ZP1: variants seen among roughly 807,000 people sequenced by gnomAD.
ZP1 encodes zona pellucida glycoprotein 1, also known as zona pellucida sperm-binding protein 1.
ZP1 carries 58 observed loss-of-function variants against 67.4 expected under a neutral mutation model. The ratio of observed to expected loss-of-function variants is 0.86; its 90% CI spans 0.70 to 1.07. The LOEUF is 1.07. Ranked by LOEUF, ZP1 falls within the 50% of genes least tolerant of loss-of-function variation. The probability of loss-of-function intolerance (pLI) is 0.00; values close to 1 mark genes in which losing one functional copy is unlikely to be tolerated. For missense variants in ZP1, 759 were observed against 807.3 expected, an observed-to-expected ratio of 0.94 and a Z score of 0.72; for synonymous variants, 333 against 332.7, an observed-to-expected ratio of 1.00 and a Z score of -0.01.
intron 6 of ZP1, among the ~76,000 whole-genome samples, chr11:60,871,838 C>T (rs1855577310): frequency 6.6e-6 from 1 of 152,230 alleles, no homozygotes; most frequent in African/African-American, 2.4e-5. Flanking sequence ...GCAAAACCAA[C>T]CCAGGTGCCC....
intron 3 of ZP1, 56 bp from the exon 4 acceptor site, chr11:60,870,275 AG>A (rs1855540618): frequency 7.0e-7 from 1 of 1,431,906 alleles, no homozygotes; most frequent in South Asian, 1.6e-5. Context: ...ATTCAATTCC[AG>A]GGCCATGATT....
chr11:60,870,518 T>C (rs1431225108), intron 4 of ZP1, 43 bp downstream of exon 4: 4 of 1,553,398 alleles, frequency 2.6e-6, no homozygotes, highest in Admixed American at 1.9e-5. Context: ...CCTTGGATTC[T>C]GAAGCGGAAG....
At chr11:60,871,190 G>T (rs1855561274) in intron 5 of ZP1, 27 bp from the exon 6 acceptor site, 1 of 1,614,014 alleles carries the variant, frequency 6.2e-7, no homozygotes, top group South Asian at 1.1e-5. Flanking sequence ...CCACCAGAAA[G>T]CCTCACCCAG....
Position 60,870,302 on chromosome 11 carries a change from T to C in ZP1, c.683-30T>C, listed in dbSNP as rs776708802. 3.9e-6 allele frequency: 6 copies of C among 1,524,328 alleles called. No homozygotes were observed. In the African/African-American group the frequency reaches 8.3e-5, roughly 21 times the overall value. 94.4% of individuals were successfully genotyped at this position (1,524,328 alleles called of 1,614,324 possible). A position where few individuals can be genotyped will look rare whatever the true frequency, so the allele number is the denominator to read the frequency against. On this transcript the variant is annotated intron_variant, in intron 3 of 11. Coordinates refer to ENST00000278853, the MANE Select transcript of ZP1 (RefSeq NM_207341.4). ...GGCCATGATTTGCAAACTGTGTGCC[T>C]TCAGCCTCATCACTCTGTCCCAACC...
rs1248661608 is a variant in ZP1, at chr11:60,867,724, A to G, written c.163A>G (p.Arg55Gly). 6.2e-7 allele frequency: 1 copy of G among 1,613,850 alleles called. No individual in the cohort carries two copies. The highest frequency in any genetic ancestry group is 1.3e-5 in the African/African-American group (1 of 74,954). The change falls in exon 1 of 12, where the codon AGG becomes GGG. Residue 55 changes from arginine (R) to glycine (G), a missense_variant. By Grantham distance (125) the Arg-to-Gly change is moderately radical (BLOSUM62 -2). Coordinates refer to ENST00000278853, the MANE Select transcript of ZP1 (RefSeq NM_207341.4). ...IKGMQLLVFP[R>G]PGQTLRFKVV... ...GGGAATGCAGCTGCTGGTGTTCCCC[A>G]GGCCAGGCCAGACTCTCCGCTTCAA... is the stretch of plus-strand genomic sequence containing the variant.
Position 60,873,418 on chromosome 11 carries a change from C to T in ZP1, c.1284C>T (p.Ile428=), listed in dbSNP as rs559840137. 3.0e-5 allele frequency: 48 copies of T among 1,612,536 alleles called. 1 individual carries two copies. The Middle Eastern group carries it at 5.0e-4, about 17-fold the overall frequency. The change falls in exon 8 of 12, where the codon ATC becomes ATT. Residue 428 remains isoleucine (I), a synonymous_variant. Transcript: ENST00000278853. Reference sequence around the variant, plus strand: ...ACTATGGGGAGGATGACTATCCCATCGTGAGGCTGCTCCGAGAACCAGTCC... The same window carrying T: ...ACTATGGGGAGGATGACTATCCCATTGTGAGGCTGCTCCGAGAACCAGTCC... ...SSYYGEDDYP[I]VRLLREPVHV...
intron 6 of ZP1, among the ~76,000 whole-genome samples, chr11:60,872,596 G>A (rs183995769): frequency 2.0e-5 from 3 of 152,276 alleles, no homozygotes; most frequent in Non-Finnish European, 4.4e-5. Flanking sequence ...GCAACTACAA[G>A]GACAATGAAG....
Position 60,873,442 on chromosome 11 carries a change from CCA to C in ZP1, c.1309_1310del (p.His437CysfsTer110). ...PIVRLLREPVHVEVRLLQRTD... is the reference protein window; with the variant it reads ...PIVRLLREPVXVEVRLLQRTD... ...TCGTGAGGCTGCTCCGAGAACCAGT[CCA>C]TGTGGAGGTCCGGCTTCTGCAGAGG... On this transcript the variant is annotated frameshift_variant, in exon 8 of 12. Transcript: ENST00000278853. LOFTEE classifies it high-confidence loss of function. 1 of 1,613,620 alleles carries C rather than the reference CCA, an allele frequency of 6.2e-7. No individual in the cohort carries two copies. Among genetic ancestry groups the C allele is most frequent in the Non-Finnish European group, 8.5e-7 (1 of 1,179,690 alleles).
In ZP1 at chr11:60,873,669, T is replaced by C. The variant is rs978238525; in HGVS notation, c.1466T>C (p.Met489Thr). 2 of 1,614,006 alleles carry C rather than the reference T, an allele frequency of 1.2e-6. No homozygotes were observed. Among genetic ancestry groups the C allele is most frequent in the Non-Finnish European group, 1.7e-6 (2 of 1,180,022 alleles). ...AAGGGCGACAGCTACAGAACCCAAA[T>C]GGTAGCCTTGGACGGGGCCACACCT... is the stretch of plus-strand genomic sequence containing the variant. ...PFKGDSYRTQMVALDGATPFQ... is the reference protein window; with the variant it reads ...PFKGDSYRTQTVALDGATPFQ... Residue 489 changes from methionine (M) to threonine (T), a missense_variant, in exon 9 of 12, where the codon ATG becomes ACG. By Grantham distance (81) the Met-to-Thr change is moderately conservative (BLOSUM62 -1). Coordinates refer to ENST00000278853, the MANE Select transcript of ZP1 (RefSeq NM_207341.4).
At chr11:60,874,806 G>T in intron 9 of ZP1, 127 bp from the exon 10 acceptor site, 1 of 836,612 alleles carries the variant, frequency 1.2e-6, no homozygotes, top group Non-Finnish European at 2.0e-6. Context: ...AAGCAGCTCA[G>T]ATTTCTCCCT....
intron 6 of ZP1, among the ~76,000 whole-genome samples, chr11:60,872,194 A>G (rs1855584694): frequency 6.6e-6 from 1 of 152,100 alleles, no homozygotes; most frequent in South Asian, 2.1e-4. Flanking sequence ...GCGAGACCCC[A>G]TTTCTATTTT....
At chr11:60,874,608 C>CA (rs1425407246) in intron 9 of ZP1, among the ~76,000 whole-genome samples, 2 of 152,230 alleles carry the variant, frequency 1.3e-5, no homozygotes, top group East Asian at 3.9e-4. Context: ...GCTGTGCAGC[C>CA]AGAGGCAGCA....
chr11:60,873,613 C>T, intron 8 of ZP1, 21 bp from the exon 9 acceptor site: 1 of 1,614,136 alleles, frequency 6.2e-7, no homozygotes, highest in Non-Finnish European at 8.5e-7. Flanking sequence ...TGTAAACAGC[C>T]TCTCTGACTT....
chr11:60,873,567 G>C lies in ZP1; in HGVS notation c.1430+3G>C. On this transcript the variant is annotated splice_donor_region_variant and intron_variant, in intron 8 of 11. Coordinates refer to ENST00000278853, the MANE Select transcript of ZP1 (RefSeq NM_207341.4). ...CAGTGGCCCATCCTGTCAGACGGGTGAGTGCCCCCACACTCCCCCCACCTG... is the reference window on the plus strand; with the variant it reads ...CAGTGGCCCATCCTGTCAGACGGGTCAGTGCCCCCACACTCCCCCCACCTG... 1.2e-6 allele frequency: 2 copies of C among 1,613,012 alleles called. No individual in the cohort carries two copies. Among genetic ancestry groups the C allele is most frequent in the Non-Finnish European group, 1.7e-6 (2 of 1,179,206 alleles).
intron 3 of ZP1, 106 bp downstream of exon 3, chr11:60,870,006 T>C: frequency 1.5e-6 from 2 of 1,348,636 alleles, no homozygotes; most frequent in Non-Finnish European, 9.8e-7. Flanking sequence ...TTTTTTGTTT[T>C]TTTCTTTTTT....
intron 1 of ZP1, among the ~76,000 whole-genome samples, chr11:60,868,153 T>G (rs1855504504): frequency 6.6e-6 from 1 of 151,748 alleles, no homozygotes. Context: ...GTTCAAGCAA[T>G]TCTCCTGCCT....
In ZP1 at chr11:60,873,468, G is replaced by T. The variant is rs1565104295; in HGVS notation, c.1334G>T (p.Arg445Met). ...CATGTGGAGGTCCGGCTTCTGCAGA[G>T]GACAGACCCCAACCTGGTCCTGCTG... Reference protein sequence around the residue: ...PVHVEVRLLQRTDPNLVLLLH... With the variant: ...PVHVEVRLLQMTDPNLVLLLH... The change falls in exon 8 of 12, where the codon AGG becomes ATG. Residue 445 changes from arginine (R) to methionine (M), a missense_variant. Physicochemically the swap from Arg to Met is moderately conservative, Grantham distance 91. Transcript: ENST00000278853. 6.2e-7 allele frequency: 1 copy of T among 1,613,690 alleles called. No individual in the cohort carries two copies. The highest frequency in any genetic ancestry group is 1.7e-5 in the Admixed American group (1 of 60,004).
chr11:60,870,523 C>T (rs148771163), intron 4 of ZP1, 48 bp downstream of exon 4: 11 of 1,543,090 alleles, frequency 7.1e-6, no homozygotes, highest in Middle Eastern at 1.7e-4. Flanking sequence ...GATTCTGAAG[C>T]GGAAGGAGAG....
chr11:60,875,471 G>A (rs1185744371), intron 11 of ZP1, 43 bp from the exon 12 acceptor site: 1 of 1,608,326 alleles, frequency 6.2e-7, no homozygotes, highest in Non-Finnish European at 8.5e-7. Context: ...GGGGAGGGTT[G>A]GAGGGGCCTC....
Sources: gnomAD v4.1 joint callset for allele counts (sites outside exome capture counted in the v4.1 genomes callset) on GRCh38, gnomAD v4.1.1 for gene constraint, MANE v1.5 for transcripts, NCBI Gene and HGNC (gene_info 2026-07-23, HGNC 2026-07-21) for gene names.